LUZP2: variants seen among roughly 807,000 people sequenced by gnomAD.
The protein encoded by LUZP2 is leucine zipper protein 2.
In LUZP2, 52 loss-of-function variants were observed where a neutral mutation model predicts 51.6. The ratio of observed to expected loss-of-function variants is 1.01; its 90% CI spans 0.81 to 1.27. The LOEUF (loss-of-function observed/expected upper bound fraction) is 1.27, where lower values mean the gene tolerates loss of function less well. Ranked by LOEUF, LUZP2 falls within the 50% of genes most tolerant of loss-of-function variation. LUZP2 has a pLI of 0.00. For missense variants in LUZP2, 436 were observed against 395.4 expected (o/e 1.10, Z -0.87); for synonymous variants, 154 against 137.3 (o/e 1.12, Z -0.85).
intron 9 of LUZP2, among the ~76,000 whole-genome samples, chr11:25,006,277 TTGTC>T (rs1856832554): frequency 6.6e-6 from 1 of 151,998 alleles, no homozygotes; most frequent in South Asian, 2.1e-4. Flanking sequence ...GAGAGGAAGT[TTGTC>T]TGACAGGCAT....
At chr11:24,539,597 C>A (rs149421971) in intron 1 of LUZP2, among the ~76,000 whole-genome samples, 5 of 152,026 alleles carry the variant, frequency 3.3e-5, no homozygotes, top group African/African-American at 9.6e-5. Flanking sequence ...AATATTCCTG[C>A]ATCACACTCA....
intron 9 of LUZP2, among the ~76,000 whole-genome samples, chr11:24,991,392 GTGTGTATATATATATATATATATA>G (rs1424756240): frequency 9.6e-6 from 1 of 104,548 alleles, no homozygotes; most frequent in Non-Finnish European, 1.9e-5. Context: ...GTGTGTGTGT[GTGTGTATATATATATATATATATA>G]TATTCCATCA....
chr11:24,636,711 A>G (rs1003793658), intron 1 of LUZP2, among the ~76,000 whole-genome samples: 1 of 152,222 alleles, frequency 6.6e-6, no homozygotes. Context: ...TTTGAAAACT[A>G]TTAAAATGGT....
intron 1 of LUZP2, among the ~76,000 whole-genome samples, chr11:24,577,569 G>A (rs1852694307): frequency 6.6e-6 from 1 of 151,782 alleles, no homozygotes; most frequent in Non-Finnish European, 1.5e-5. Flanking sequence ...GTATCTGAAT[G>A]TTTACTTTGT....
intron 5 of LUZP2, among the ~76,000 whole-genome samples, chr11:24,790,641 A>G (rs910673901): frequency 1.3e-5 from 2 of 152,256 alleles, no homozygotes; most frequent in Admixed American, 6.5e-5. Context: ...AGCTGGGATT[A>G]CAGGCATGTA....
At chr11:24,973,975 T>C (rs560335438) in intron 7 of LUZP2, among the ~76,000 whole-genome samples, 2 of 152,228 alleles carry the variant, frequency 1.3e-5, no homozygotes, top group South Asian at 4.2e-4. Flanking sequence ...TGAGTTCAGT[T>C]CCTAATTATC....
intron 11 of LUZP2, 119 bp from the exon 12 acceptor site, chr11:25,078,435 C>A (rs1467993758): frequency 2.8e-6 from 2 of 707,848 alleles, no homozygotes; most frequent in Non-Finnish European, 4.7e-6. Flanking sequence ...TGTTCATTTT[C>A]TCTAAGATAT....
At chr11:24,917,475 A>C (rs1224626042) in intron 7 of LUZP2, among the ~76,000 whole-genome samples, 1 of 152,118 alleles carries the variant, frequency 6.6e-6, no homozygotes, top group Non-Finnish European at 1.5e-5. Flanking sequence ...TAGGTCTAAC[A>C]TGTAAGTCTT....
At chr11:25,013,514 AT>A (rs1857039455) in intron 9 of LUZP2, among the ~76,000 whole-genome samples, 1 of 152,128 alleles carries the variant, frequency 6.6e-6, no homozygotes, top group African/African-American at 2.4e-5. Flanking sequence ...AATAGATAAA[AT>A]GTTTGATCTC....
intron 7 of LUZP2, among the ~76,000 whole-genome samples, chr11:24,961,576 C>T (rs1368134674): frequency 6.6e-6 from 1 of 151,812 alleles, no homozygotes; most frequent in Admixed American, 6.6e-5. Context: ...CAACCCCTGC[C>T]TTTCTTTGTT....
intron 1 of LUZP2, among the ~76,000 whole-genome samples, chr11:24,571,882 C>G (rs964195275): frequency 1.3e-5 from 2 of 151,846 alleles, no homozygotes; most frequent in African/African-American, 2.4e-5. Flanking sequence ...TTACATAACC[C>G]CAAACTTTCC....
At chr11:24,540,086 A>C (rs1241500283) in intron 1 of LUZP2, among the ~76,000 whole-genome samples, 1 of 152,098 alleles carries the variant, frequency 6.6e-6, no homozygotes, top group Non-Finnish European at 1.5e-5. Context: ...AAGTTTTATT[A>C]ATATTACCAT....
At chr11:24,517,671 C>T (rs1294098013) in intron 1 of LUZP2, among the ~76,000 whole-genome samples, 1 of 151,754 alleles carries the variant, frequency 6.6e-6, no homozygotes, top group African/African-American at 2.4e-5. Context: ...GCCAATAATC[C>T]ATAGTTTGCT....
intron 1 of LUZP2, among the ~76,000 whole-genome samples, chr11:24,649,101 T>C (rs1024990205): frequency 2.0e-5 from 3 of 151,910 alleles, no homozygotes; most frequent in Non-Finnish European, 2.9e-5. Flanking sequence ...GGAGAAAACA[T>C]GCACAATTTA....
At chr11:24,655,561 T>A (rs1855774078) in intron 1 of LUZP2, among the ~76,000 whole-genome samples, 1 of 152,106 alleles carries the variant, frequency 6.6e-6, no homozygotes, top group South Asian at 2.1e-4. Context: ...TGAAAATTGG[T>A]AAAATAGTAG....
rs1049745897 is a variant in LUZP2, at chr11:25,062,780, C to A, written c.858+12650C>A. 1.1e-3 allele frequency among the ~76,000 whole-genome samples: 163 copies of A among 151,186 alleles called. 1 individual carries two copies. The highest frequency in any genetic ancestry group is 3.8e-3 in the African/African-American group (157 of 41,356). Reference sequence around the variant, plus strand: ...TTGCTTTGTATTAGTGCAATATTATCTATATAATTTCATATTATATGCTAC... The same window carrying A: ...TTGCTTTGTATTAGTGCAATATTATATATATAATTTCATATTATATGCTAC... On this transcript the variant is annotated intron_variant, in intron 10 of 11. Coordinates refer to ENST00000336930, the MANE Select transcript of LUZP2 (RefSeq NM_001009909.4).
chr11:24,786,048 A>T (rs1344161470), intron 5 of LUZP2: 1 of 985,154 alleles, frequency 1.0e-6, no homozygotes, highest in Non-Finnish European at 1.2e-6. Context: ...GTATTAACTC[A>T]TCTTTGCTGG....
intron 9 of LUZP2, among the ~76,000 whole-genome samples, chr11:25,020,838 G>A (rs975888005): frequency 5.9e-5 from 9 of 151,696 alleles, no homozygotes; most frequent in East Asian, 1.9e-4. Flanking sequence ...ATAGATAAAC[G>A]TTGTAATAGG....
intron 1 of LUZP2, among the ~76,000 whole-genome samples, chr11:24,631,636 A>G (rs1488733469): frequency 6.6e-6 from 1 of 151,852 alleles, no homozygotes; most frequent in Non-Finnish European, 1.5e-5. Flanking sequence ...ACCTGTGTTT[A>G]TCAGGGATAT....
Sources: allele counts gnomAD v4.1 joint callset (sites outside exome capture counted in the v4.1 genomes callset), GRCh38; gene constraint gnomAD v4.1.1; transcripts MANE v1.5; gene names NCBI Gene and HGNC (gene_info 2026-07-23, HGNC 2026-07-21).